Variants in PRUNE2 observed in about 807,000 individuals in gnomAD.
The protein encoded by PRUNE2 is prune homolog 2 with BCH domain.
A neutral mutation model predicts 252.0 loss-of-function variants in PRUNE2; 164 were observed. The observed-to-expected ratio is 0.65, with a 90% CI of 0.57 to 0.74. The LOEUF (loss-of-function observed/expected upper bound fraction) is 0.74. Among genes scored for constraint, PRUNE2 ranks in the 30% least tolerant of loss-of-function variants. PRUNE2 has a pLI of 0.00. For synonymous variants in PRUNE2, 1,292 were observed against 1,350.2 expected, an observed-to-expected ratio of 0.96 and a Z score of 0.94; for missense variants, 3,495 against 3,711.0, an observed-to-expected ratio of 0.94 and a Z score of 1.51.
intron 9 of PRUNE2, among the ~76,000 whole-genome samples, chr9:76,660,369 A>G (rs1436403773): frequency 6.6e-6 from 1 of 152,196 alleles, no homozygotes; most frequent in African/African-American, 2.4e-5. Context: ...AGCTGGAGAC[A>G]CTAGCTGTGG....
At chr9:76,769,963 T>C (rs1038904618) in intron 6 of PRUNE2, among the ~76,000 whole-genome samples, 5 of 152,212 alleles carry the variant, frequency 3.3e-5, no homozygotes, top group Non-Finnish European at 4.4e-5. Context: ...AAATGTATTA[T>C]AAAGATTAAC....
chr9:76,725,406 G>A (rs554864685), intron 6 of PRUNE2, among the ~76,000 whole-genome samples: 77 of 152,248 alleles, frequency 5.1e-4, no homozygotes, highest in African/African-American at 1.8e-3. Flanking sequence ...TTTGGGATTC[G>A]TTCTTCATGG....
chr9:76,828,349 T>A (rs1460394639), intron 4 of PRUNE2, among the ~76,000 whole-genome samples: 2 of 152,120 alleles, frequency 1.3e-5, no homozygotes, highest in Non-Finnish European at 2.9e-5. Context: ...AAGGGAAATG[T>A]TGAAAAATTA....
chr9:76,695,192 C>T (rs772301429), intron 9 of PRUNE2, among the ~76,000 whole-genome samples: 4 of 152,166 alleles, frequency 2.6e-5, no homozygotes, highest in Admixed American at 6.5e-5. Flanking sequence ...TGTGCCACCA[C>T]GCCTGGCTAA....
chr9:76,863,022 C>T (rs1043122365), intron 1 of PRUNE2: 1 of 152,192 alleles, frequency 6.6e-6, no homozygotes, highest in Non-Finnish European at 1.5e-5. Context: ...ATGATGATAA[C>T]ATTTAACAGA....
chr9:76,612,136 T>C lies in PRUNE2; in HGVS notation c.*2434A>G, dbSNP rs1376250172. ...AATTAAATTAATTTGTCTTTTAAGA[T>C]AATAAAATAGCAGATACCTAAATAT... On this transcript the variant is annotated 3_prime_UTR_variant, in exon 19 of 19. Coordinates refer to ENST00000376718, the MANE Select transcript of PRUNE2 (RefSeq NM_015225.3). 2 of 152,204 alleles carry C rather than the reference T, an allele frequency of 1.3e-5. No homozygotes were observed. Among genetic ancestry groups the C allele is most frequent in the Non-Finnish European group, 2.9e-5 (2 of 68,020 alleles). The allele number at this position is 152,204 out of a possible 1,614,324, so 9.4% of individuals were successfully genotyped here.
chr9:76,863,685 A>G (rs1296617842), intron 1 of PRUNE2, among the ~76,000 whole-genome samples: 2 of 152,202 alleles, frequency 1.3e-5, no homozygotes, highest in African/African-American at 4.8e-5. Context: ...CAATCTACCT[A>G]CTTTGCTTCC....
intron 6 of PRUNE2, among the ~76,000 whole-genome samples, chr9:76,762,435 G>A (rs966219197): frequency 3.9e-5 from 6 of 152,100 alleles, no homozygotes; most frequent in Admixed American, 2.0e-4. Flanking sequence ...TCCAGATGGC[G>A]GTCTGCTTGG....
intron 6 of PRUNE2, among the ~76,000 whole-genome samples, chr9:76,777,492 G>A (rs1474344300): frequency 1.3e-5 from 2 of 152,148 alleles, no homozygotes; most frequent in Non-Finnish European, 2.9e-5. Context: ...CTGAAGAAAT[G>A]AATTTCAGGG....
At chr9:76,629,131 C>T in intron 16 of PRUNE2, 61 bp downstream of exon 16, 1 of 1,049,570 alleles carries the variant, frequency 9.5e-7, no homozygotes, top group South Asian at 1.4e-5. Context: ...GCGTGAGCCA[C>T]CACACCCAGC....
chr9:76,731,518 G>T (rs867666624), intron 6 of PRUNE2, among the ~76,000 whole-genome samples: 8 of 151,828 alleles, frequency 5.3e-5, no homozygotes, highest in African/African-American at 1.9e-4. Context: ...TGTATAGACA[G>T]GGTCTCATTA....
At chr9:76,827,909 C>T (rs568869931) in intron 4 of PRUNE2, among the ~76,000 whole-genome samples, 8 of 152,186 alleles carry the variant, frequency 5.3e-5, no homozygotes, top group Non-Finnish European at 1.0e-4. Flanking sequence ...GTAAATATTG[C>T]TAAATATATT....
intron 9 of PRUNE2, among the ~76,000 whole-genome samples, chr9:76,700,846 G>A (rs1200259581): frequency 2.0e-5 from 3 of 152,080 alleles, no homozygotes; most frequent in Non-Finnish European, 2.9e-5. Flanking sequence ...TTCTTGTCTC[G>A]CAGGGTTGCC....
intron 6 of PRUNE2, among the ~76,000 whole-genome samples, chr9:76,735,730 G>T (rs1165731061): frequency 6.6e-6 from 1 of 152,106 alleles, no homozygotes; most frequent in Non-Finnish European, 1.5e-5. Context: ...AACAATATTG[G>T]CTTTTCTACA....
rs574010547 is a variant in PRUNE2, at chr9:76,859,062, G to A, written c.37-4854C>T. Among the ~76,000 whole-genome samples, 7 of 152,210 alleles carry A rather than the reference G, an allele frequency of 4.6e-5. No individual in the cohort carries two copies. In the South Asian group the frequency reaches 1.2e-3, roughly 27 times the overall value. Reference sequence around the variant, plus strand: ...TCTCAAAAGACAGGCAACCCTTTGCGAATGCCTAAACCCAGTGCTCCCCAA... The same window carrying A: ...TCTCAAAAGACAGGCAACCCTTTGCAAATGCCTAAACCCAGTGCTCCCCAA... On this transcript the variant is annotated intron_variant, in intron 1 of 18. Coordinates refer to ENST00000376718, the MANE Select transcript of PRUNE2 (RefSeq NM_015225.3).
chr9:76,670,600 G>A (rs1205611313), intron 9 of PRUNE2, among the ~76,000 whole-genome samples: 2 of 152,208 alleles, frequency 1.3e-5, no homozygotes, highest in East Asian at 3.8e-4. Context: ...CTGGGGGCAG[G>A]ACACAGACAA....
intron 6 of PRUNE2, among the ~76,000 whole-genome samples, chr9:76,790,645 T>C (rs767331811): frequency 1.3e-5 from 2 of 152,124 alleles, no homozygotes; most frequent in Non-Finnish European, 2.9e-5. Flanking sequence ...ATAGATCTTA[T>C]AAAAATAAGA....
At chr9:76,624,638 T>C (rs1036552838) in intron 16 of PRUNE2, 148 bp from the exon 17 acceptor site, 1 of 506,398 alleles carries the variant, frequency 2.0e-6, no homozygotes, top group South Asian at 5.2e-5. Context: ...ACGTACTCCT[T>C]CCATTAAATA....
intron 6 of PRUNE2, among the ~76,000 whole-genome samples, chr9:76,744,563 C>T (rs2049937505): frequency 6.6e-6 from 1 of 152,180 alleles, no homozygotes; most frequent in Non-Finnish European, 1.5e-5. Flanking sequence ...TACTCTAAAC[C>T]TTGGAGGTGG....
Sources: gnomAD v4.1 joint callset for allele counts (sites outside exome capture counted in the v4.1 genomes callset) on GRCh38, gnomAD v4.1.1 for gene constraint, MANE v1.5 for transcripts, NCBI Gene and HGNC (gene_info 2026-07-23, HGNC 2026-07-21) for gene names.